WDPCP: variants seen among roughly 807,000 people sequenced by gnomAD.
The protein encoded by WDPCP is WD repeat-containing and planar cell polarity effector protein fritz homolog.
In WDPCP, 71 loss-of-function variants were observed where a neutral mutation model predicts 93.1. The ratio of observed to expected loss-of-function variants is 0.76; its 90% CI spans 0.63 to 0.93. The LOEUF is 0.93. Ranked by LOEUF, WDPCP falls within the 40% of genes least tolerant of loss-of-function variation. The pLI is 0.00. For missense variants in WDPCP, 844 were observed against 887.4 expected (o/e 0.95, Z 0.62); for synonymous variants, 315 against 315.0 (o/e 1.00, Z 0.00).
intron 2 of WDPCP, among the ~76,000 whole-genome samples, chr2:63,797,983 A>T (rs1240044811): frequency 6.6e-6 from 1 of 152,182 alleles, no homozygotes; most frequent in Non-Finnish European, 1.5e-5. Context: ...CTGGCAGAAG[A>T]CTTTTCAGTG....
At chr2:63,426,209 G>A (rs946908123) in intron 9 of WDPCP, among the ~76,000 whole-genome samples, 10 of 152,180 alleles carry the variant, frequency 6.6e-5, no homozygotes, top group Middle Eastern at 3.4e-3. Context: ...GCGTGGTGGC[G>A]CACACCTGTA....
chr2:63,793,372 C>G (rs1670570125), intron 2 of WDPCP, among the ~76,000 whole-genome samples: 5 of 152,172 alleles, frequency 3.3e-5, no homozygotes, highest in African/African-American at 1.2e-4. Context: ...CTTTGGGAAG[C>G]TGAGGTGGGA....
rs953257629 is a variant in WDPCP, at chr2:63,698,898, C to T, written n.309-48060G>A. ...CCAGACTACACCCTCTGACAGGATG[C>T]AGTTATACTCAGTATCTCCCTGGAA... On this transcript the variant is annotated intron_variant and non_coding_transcript_variant, in intron 2 of 4. Transcript: ENST00000467687. 2.0e-5 allele frequency among the ~76,000 whole-genome samples: 3 copies of T among 152,182 alleles called. No homozygotes were observed. In the East Asian group the frequency reaches 5.8e-4, roughly 29 times the overall value.
At chr2:63,837,768 A>C in the WDPCP span, among the ~76,000 whole-genome samples, 4 of 152,218 alleles carry the variant, frequency 2.6e-5, no homozygotes, top group African/African-American at 4.8e-5. Context: ...AAAAAACGTT[A>C]TCTCTAAATA....
At chr2:63,308,662 A>G (rs1221593106) in intron 13 of WDPCP, among the ~76,000 whole-genome samples, 1 of 152,108 alleles carries the variant, frequency 6.6e-6, no homozygotes, top group Non-Finnish European at 1.5e-5. Flanking sequence ...CAAATAGCAC[A>G]TGTTCTCACT....
intron 1 of WDPCP, among the ~76,000 whole-genome samples, chr2:63,498,325 T>C (rs1039124075): frequency 2.0e-5 from 3 of 152,178 alleles, no homozygotes; most frequent in East Asian, 1.9e-4. Context: ...GAGCTTCACA[T>C]ACATTTAGAA....
At chr2:63,721,893 C>A (rs1294884378) in intron 2 of WDPCP, among the ~76,000 whole-genome samples, 1 of 152,240 alleles carries the variant, frequency 6.6e-6, no homozygotes, top group African/African-American at 2.4e-5. Context: ...GCTCGCGCCG[C>A]CACGCCTGAC....
chr2:63,298,551 G>A (rs1372414391), intron 13 of WDPCP, among the ~76,000 whole-genome samples: 1 of 152,060 alleles, frequency 6.6e-6, no homozygotes, highest in Non-Finnish European at 1.5e-5. Flanking sequence ...TCCCATGCTG[G>A]ATGCTTCCTG....
upstream of WDPCP, chr2:63,588,677 C>T: frequency 4.2e-6 from 2 of 476,346 alleles, no homozygotes; most frequent in Non-Finnish European, 3.8e-6. Flanking sequence ...ATCTCTCCCG[C>T]CAATTGCCGG....
intron 14 of WDPCP, among the ~76,000 whole-genome samples, chr2:63,185,150 T>C (rs1389944987): frequency 6.6e-6 from 1 of 152,208 alleles, no homozygotes; most frequent in East Asian, 1.9e-4. Flanking sequence ...TTTCTATTGG[T>C]TTTTGGATTT....
chr2:63,321,305 G>T (rs1687062035), intron 12 of WDPCP, among the ~76,000 whole-genome samples: 1 of 134,534 alleles, frequency 7.4e-6, no homozygotes, highest in African/African-American at 2.9e-5. Context: ...AAGTACTGAA[G>T]TGTGTCTCTA....
chr2:63,574,945 T>A (rs1467131599), intron 1 of WDPCP, among the ~76,000 whole-genome samples: 4 of 152,198 alleles, frequency 2.6e-5, no homozygotes, highest in Non-Finnish European at 5.9e-5. Context: ...TGGCATAATA[T>A]CATTATTGAG....
intron 13 of WDPCP, among the ~76,000 whole-genome samples, chr2:63,288,963 A>G (rs1284831310): frequency 6.6e-6 from 1 of 152,018 alleles, no homozygotes; most frequent in African/African-American, 2.4e-5. Flanking sequence ...CAAGAATACC[A>G]AGGAACGGAT....
At chr2:63,154,345 T>A (rs539407215) in intron 15 of WDPCP, among the ~76,000 whole-genome samples, 3 of 152,232 alleles carry the variant, frequency 2.0e-5, no homozygotes, top group African/African-American at 7.2e-5. Flanking sequence ...CAACCACAGA[T>A]ATCTTCTTCA....
intron 17 of WDPCP, among the ~76,000 whole-genome samples, chr2:63,151,153 T>C (rs992979345): frequency 3.9e-5 from 6 of 152,332 alleles, no homozygotes; most frequent in African/African-American, 7.2e-5. Flanking sequence ...AGTTTCTTGA[T>C]TGAATTTCAT....
At chr2:63,622,497 C>G in intron 3 of WDPCP, 3 of 1,613,950 alleles carry the variant, frequency 1.9e-6, no homozygotes, top group Non-Finnish European at 1.7e-6. Flanking sequence ...ACAGTAAACA[C>G]ATCGTTCCTC....
intron 9 of WDPCP, among the ~76,000 whole-genome samples, chr2:63,432,958 A>G (rs1255512105): frequency 6.6e-6 from 1 of 152,198 alleles, no homozygotes; most frequent in Non-Finnish European, 1.5e-5. Flanking sequence ...TAAAGTCTAA[A>G]AGATAACTGA....
intron 3 of WDPCP, chr2:63,597,637 A>G (rs1709342937): frequency 1.5e-6 from 2 of 1,314,948 alleles, no homozygotes; most frequent in African/African-American, 1.5e-5. Flanking sequence ...TGCTTTTAGC[A>G]TTTAAGCAAA....
At chr2:63,628,658 T>C (rs1008308372) in intron 3 of WDPCP, among the ~76,000 whole-genome samples, 11 of 152,196 alleles carry the variant, frequency 7.2e-5, no homozygotes, top group African/African-American at 2.7e-4. Flanking sequence ...AGTTTTTCCA[T>C]ACAAAGGACC....
Sources: gnomAD v4.1 joint callset for allele counts (sites outside exome capture counted in the v4.1 genomes callset) on GRCh38, gnomAD v4.1.1 for gene constraint, MANE v1.5 for transcripts, NCBI Gene and HGNC (gene_info 2026-07-23, HGNC 2026-07-21) for gene names.